Variants in ANOS1 observed in about 807,000 individuals in gnomAD.
ANOS1 encodes anosmin-1.
A neutral mutation model predicts 59.0 loss-of-function variants in ANOS1; 6 were observed. The observed-to-expected ratio is 0.10, with a 90% confidence interval of 0.06 to 0.20. ANOS1 has a LOEUF of 0.20. ANOS1 is among the 10% of genes least tolerant of loss of function. The pLI, the probability that ANOS1 is intolerant of heterozygous loss-of-function variation, is 1.00. For synonymous variants in ANOS1, 217 were observed against 223.4 expected (o/e 0.97, Z 0.25); for missense variants, 433 against 542.3 (o/e 0.80, Z 2.00).
chrX:8,659,159 G>A (rs771800726), intron 2 of ANOS1, among the ~76,000 whole-genome samples: 36 of 104,035 alleles, frequency 3.5e-4, no homozygotes, highest in African/African-American at 9.7e-4. Context: ...CCCGGGAGGC[G>A]GAGGTTGCAG....
chrX:8,711,832 T>C (rs139593165), intron 1 of ANOS1, among the ~76,000 whole-genome samples: 2 of 112,942 alleles, frequency 1.8e-5, no homozygotes, highest in East Asian at 2.8e-4. Flanking sequence ...TTCTACATTG[T>C]ATGGTTGTTT....
At chrX:8,651,779 T>C (rs959941688) in intron 2 of ANOS1, among the ~76,000 whole-genome samples, 5 of 112,025 alleles carry the variant, frequency 4.5e-5, no homozygotes, top group Non-Finnish European at 7.5e-5. Context: ...TTTCATTTAC[T>C]TTCCTAAAGT....
At chrX:8,679,197 A>G (rs1433518739) in intron 2 of ANOS1, among the ~76,000 whole-genome samples, 1 of 111,709 alleles carries the variant, frequency 9.0e-6, no homozygotes, top group Non-Finnish European at 1.9e-5. Flanking sequence ...GGATGATACC[A>G]TCCTGCCAAC....
chrX:8,560,621 G>C (rs1204498035), intron 8 of ANOS1, among the ~76,000 whole-genome samples: 2 of 112,503 alleles, frequency 1.8e-5, no homozygotes, highest in Non-Finnish European at 3.8e-5. Flanking sequence ...CCCTGAGAAA[G>C]AGGAATTGGT....
intron 2 of ANOS1, among the ~76,000 whole-genome samples, chrX:8,659,017 A>G (rs1346661231): frequency 9.0e-6 from 1 of 111,575 alleles, no homozygotes; most frequent in Admixed American, 9.5e-5. Flanking sequence ...TCACGTCAGG[A>G]GTTTGAGACC....
In ANOS1 at chrX:8,541,456, A is replaced by T. The variant is rs180935198; in HGVS notation, c.1355-1698T>A. Among the ~76,000 whole-genome samples, 91 of 106,736 alleles carry T rather than the reference A, an allele frequency of 8.5e-4. 2 individuals are homozygous for T. In the East Asian group the frequency reaches 0.018, roughly 21 times the overall value. 92.7% of individuals were successfully genotyped at this position (106,736 alleles called of 115,157 possible). A position where few individuals can be genotyped will look rare whatever the true frequency, so the allele number is the denominator to read the frequency against. ...AACAAAAAAATAAAACAAAAAAAAA[A>T]CCAGAAGGTAAGGGCAGTAGGGTGG... On this transcript the variant is annotated intron_variant, in intron 9 of 13. Transcript: ENST00000262648.
intron 2 of ANOS1, among the ~76,000 whole-genome samples, chrX:8,642,482 A>T (rs995486997): frequency 9.0e-6 from 1 of 111,032 alleles, no homozygotes; most frequent in Admixed American, 9.7e-5. Context: ...AAACCAATGA[A>T]CTATTTAAAC....
intron 1 of ANOS1, among the ~76,000 whole-genome samples, chrX:8,727,009 T>C (rs1932926313): frequency 8.9e-6 from 1 of 112,483 alleles, no homozygotes; most frequent in African/African-American, 3.2e-5. Flanking sequence ...GATGGCTGAA[T>C]CTTTGACATA....
intron 2 of ANOS1, among the ~76,000 whole-genome samples, chrX:8,689,828 A>T (rs1266183166): frequency 9.0e-6 from 1 of 111,068 alleles, no homozygotes; most frequent in Non-Finnish European, 1.9e-5. Context: ...ATGTCTTACT[A>T]AGCACAAAAC....
intron 9 of ANOS1, among the ~76,000 whole-genome samples, chrX:8,545,059 TC>T (rs1165788478): frequency 4.9e-5 from 1 of 20,229 alleles, no homozygotes; most frequent in African/African-American, 2.1e-4. Flanking sequence ...AGAGAGAAAC[TC>T]CAAAAAAAAA....
chrX:8,550,761 G>T (rs1929842918), intron 9 of ANOS1, among the ~76,000 whole-genome samples: 1 of 107,762 alleles, frequency 9.3e-6, no homozygotes, highest in Admixed American at 1.0e-4. Flanking sequence ...TGATGTATCA[G>T]AGAAGGAGAT....
intron 2 of ANOS1, among the ~76,000 whole-genome samples, chrX:8,626,347 A>T (rs1485815127): frequency 9.1e-6 from 1 of 109,995 alleles, no homozygotes; most frequent in Non-Finnish European, 1.9e-5. Context: ...TCATAAAAAA[A>T]TTTTTAGATG....
At chrX:8,712,831 C>T (rs1221897584) in intron 1 of ANOS1, among the ~76,000 whole-genome samples, 2 of 112,133 alleles carry the variant, frequency 1.8e-5, no homozygotes, top group Admixed American at 9.4e-5. Flanking sequence ...AGAACCACAC[C>T]GTCATAATGA....
At chrX:8,564,893 C>T (rs41483250) in intron 8 of ANOS1, among the ~76,000 whole-genome samples, 24,624 of 110,721 alleles carry the variant, frequency 0.22, 2,183 homozygotes, top group Non-Finnish European at 0.29. Flanking sequence ...ACTCCATGTG[C>T]AATGTGGCTC....
intron 8 of ANOS1, among the ~76,000 whole-genome samples, chrX:8,557,973 C>T (rs1458482972): frequency 8.9e-6 from 1 of 111,847 alleles, no homozygotes; most frequent in Non-Finnish European, 1.9e-5. Flanking sequence ...GCATACACAC[C>T]ATGGAATACT....
At chrX:8,641,337 GGAAAAGGAGGTATCACAT>G (rs1931661642) in intron 2 of ANOS1, among the ~76,000 whole-genome samples, 3 of 111,813 alleles carry the variant, frequency 2.7e-5, no homozygotes, top group African/African-American at 9.7e-5. Context: ...GCAGAAAGAG[GGAAAAGGAGGTATCACAT>G]GATATAAAAC....
Position 8,536,960 on chromosome X carries a change from G to T in ANOS1, c.1450-18C>A, listed in dbSNP as rs747617685. On this transcript the variant is annotated intron_variant, in intron 10 of 13. Transcript: ENST00000262648. ...TAATTTTCCTAGAGCAAGAGAAAGA[G>T]AATTATGCTAGCAATAAATCTCATT... The T allele has an allele frequency of 2.6e-6, 3 of 1,159,893 alleles. No individual in the cohort carries two copies. The highest frequency in any genetic ancestry group is 2.2e-5 in the Admixed American group (1 of 45,546).
At position 8,591,703 on chromosome X, in the gene ANOS1, T is replaced by A. The variant is rs190698231; in HGVS notation, c.542-3725A>T. 5.4e-5 allele frequency among the ~76,000 whole-genome samples: 6 copies of A among 112,041 alleles called. No individual in the cohort carries two copies. In the Admixed American group the frequency reaches 5.7e-4, roughly 11 times the overall value. On this transcript the variant is annotated intron_variant, in intron 4 of 13. Transcript: ENST00000262648. ...GTTGGCTCCTTTGATTGGAAGTAACTCCAGCGCTCTACTGTAATTGTGTGC... is the reference window on the plus strand; with the variant it reads ...GTTGGCTCCTTTGATTGGAAGTAACACCAGCGCTCTACTGTAATTGTGTGC...
At chrX:8,554,169 T>C (rs1929902886) in intron 8 of ANOS1, 71 bp from the exon 9 acceptor site, 1 of 833,802 alleles carries the variant, frequency 1.2e-6, no homozygotes, top group South Asian at 2.1e-5. Context: ...GATGGCCAAA[T>C]AGGAACAGCT....
Sources: allele counts gnomAD v4.1 joint callset (sites outside exome capture counted in the v4.1 genomes callset), GRCh38; gene constraint gnomAD v4.1.1; transcripts MANE v1.5; gene names NCBI Gene and HGNC (gene_info 2026-07-23, HGNC 2026-07-21).